The following GTF2E2 variants were observed in gnomAD, a reference collection of about 807,000 sequenced individuals.
GTF2E2 encodes the protein general transcription factor IIE subunit 2.
Under a neutral mutation model 40.5 loss-of-function variants are expected in GTF2E2, and 21 were observed. That is an observed-to-expected ratio of 0.52 (90% confidence interval 0.37 to 0.75). The LOEUF is 0.75. Among genes scored for constraint, GTF2E2 ranks in the 30% least tolerant of loss-of-function variants. The pLI, the probability that GTF2E2 is intolerant of heterozygous loss-of-function variation, is 0.00. For missense variants in GTF2E2, 298 were observed against 338.4 expected, an observed-to-expected ratio of 0.88 and a Z score of 0.94; for synonymous variants, 117 against 121.6, an observed-to-expected ratio of 0.96 and a Z score of 0.25.
intron 3 of GTF2E2, among the ~76,000 whole-genome samples, chr8:30,621,156 T>TC (rs1801088791): frequency 6.6e-6 from 1 of 151,976 alleles, no homozygotes; most frequent in Non-Finnish European, 1.5e-5. Flanking sequence ...AAAGTTTTTT[T>TC]CCCCATTACA....
rs187535266 is a variant in GTF2E2 at position 30,607,427 on chromosome 8, T to C, written c.550-277A>G. On this transcript the variant is annotated intron_variant, in intron 5 of 7. Coordinates refer to ENST00000355904, the MANE Select transcript of GTF2E2 (RefSeq NM_002095.6). ...TGGAGTAACTGGGACCACTGGTGCA[T>C]TGCCACCACGTCTAGCTAATGTTTT... 4.9e-3 allele frequency among the ~76,000 whole-genome samples: 745 copies of C among 152,158 alleles called. 3 individuals are homozygous for C. The highest frequency in any genetic ancestry group is 0.017 in the African/African-American group (704 of 41,512).
intron 6 of GTF2E2, among the ~76,000 whole-genome samples, chr8:30,586,038 T>C (rs538091531): frequency 6.6e-6 from 1 of 152,294 alleles, no homozygotes; most frequent in African/African-American, 2.4e-5. Flanking sequence ...ATTGTGCCAC[T>C]GCACTCCAGC....
At chr8:30,653,315 T>G in intron 2 of GTF2E2, 118 bp downstream of exon 2, 1 of 715,258 alleles carries the variant, frequency 1.4e-6, no homozygotes, top group African/African-American at 1.8e-5. Flanking sequence ...ATCCTTTATA[T>G]TCAACAAAGT....
Position 30,653,450 on chromosome 8 carries a change from C to G in GTF2E2, c.149G>C (p.Gly50Ala). 6.2e-7 allele frequency: 1 copy of G among 1,613,240 alleles called. No homozygotes were observed. Among genetic ancestry groups the G allele is most frequent in the Non-Finnish European group, 8.5e-7 (1 of 1,179,580 alleles). ...KTKVEHGGSSGSKQNSDHSNG... is the reference protein window; with the variant it reads ...KTKVEHGGSSASKQNSDHSNG... ...TTACTAACCAGAATTTTGTTTAGAG[C>G]CTGACGATCCTCCATGTTCTACCTT... Residue 50 changes from glycine to alanine, a missense_variant, in exon 2 of 8, where the codon GGC becomes GCC. Transcript: ENST00000355904.
chr8:30,618,291 CG>C (rs1253734700), intron 3 of GTF2E2, among the ~76,000 whole-genome samples: 2 of 20,686 alleles, frequency 9.7e-5, no homozygotes, highest in Non-Finnish European at 2.2e-4. Flanking sequence ...TCTCGGGGGG[CG>C]GGGGGGAGTT....
At chr8:30,581,845 A>G (rs1486240878) in intron 6 of GTF2E2, among the ~76,000 whole-genome samples, 1 of 152,044 alleles carries the variant, frequency 6.6e-6, no homozygotes, top group African/African-American at 2.4e-5. Context: ...GACAGTCGGC[A>G]CTGTACCTAG....
chr8:30,584,126 T>C (rs1156413263), intron 6 of GTF2E2, among the ~76,000 whole-genome samples: 3 of 151,870 alleles, frequency 2.0e-5, no homozygotes, highest in Non-Finnish European at 4.4e-5. Context: ...ATTTATTTTG[T>C]GGTTCAAACA....
At chr8:30,580,122 C>G (rs62505275) in intron 7 of GTF2E2, among the ~76,000 whole-genome samples, 159 bp downstream of exon 7, 1 of 151,986 alleles carries the variant, frequency 6.6e-6, no homozygotes, top group Non-Finnish European at 1.5e-5. Context: ...GCACCGAGGG[C>G]GGGTCTGCAG....
chr8:30,635,118 T>A lies in GTF2E2; in HGVS notation c.172A>T (p.Ser58Cys), dbSNP rs766622922. Reference protein sequence around the residue: ...SSGSKQNSDHSNGSFNLKALS... With the variant: ...SSGSKQNSDHCNGSFNLKALS... ...GCTTTCAAGTTAAATGATCCATTGC[T>A]ATGATCTGCAAATGAAGTTCAAAAT... Residue 58 changes from serine to cysteine, a missense_variant, in exon 3 of 8, where the codon AGC becomes TGC. Coordinates refer to ENST00000355904, the MANE Select transcript of GTF2E2 (RefSeq NM_002095.6). The A allele has an allele frequency of 6.3e-6, 10 of 1,576,794 alleles. No homozygotes were observed. The South Asian group carries it at 1.1e-4, about 18-fold the overall frequency.
chr8:30,613,315 A>G (rs1800797927), intron 4 of GTF2E2, among the ~76,000 whole-genome samples: 1 of 152,240 alleles, frequency 6.6e-6, no homozygotes, highest in Non-Finnish European at 1.5e-5. Flanking sequence ...TAGTGCATAC[A>G]AGAACTTTAC....
intron 2 of GTF2E2, chr8:30,637,088 T>C (rs1457546120): frequency 1.3e-5 from 5 of 397,564 alleles, no homozygotes; most frequent in South Asian, 9.5e-5. Context: ...AAATTGAGGG[T>C]AGTAAGCAGC....
chr8:30,607,189 C>T (rs191571052), intron 5 of GTF2E2, 39 bp from the exon 6 acceptor site: 3 of 729,738 alleles, frequency 4.1e-6, no homozygotes, highest in East Asian at 5.5e-5. Context: ...CAGTTAACTC[C>T]AAATTACCTC....
intron 1 of GTF2E2, among the ~76,000 whole-genome samples, chr8:30,654,601 T>C (rs1802397676): frequency 6.6e-6 from 1 of 151,892 alleles, no homozygotes; most frequent in Non-Finnish European, 1.5e-5. Flanking sequence ...GACAAGGTCT[T>C]GCTATGTTGC....
intron 3 of GTF2E2, among the ~76,000 whole-genome samples, chr8:30,619,446 T>C (rs897689237): frequency 4.0e-5 from 6 of 151,318 alleles, no homozygotes; most frequent in Admixed American, 2.6e-4. Flanking sequence ...TGGAGTGCAA[T>C]GGCATGATCT....
chr8:30,647,103 C>A (rs1476661638), intron 2 of GTF2E2, among the ~76,000 whole-genome samples: 1 of 147,210 alleles, frequency 6.8e-6, no homozygotes, highest in Non-Finnish European at 1.5e-5. Flanking sequence ...TATAAATATA[C>A]ACATGAGTAA....
intron 7 of GTF2E2, among the ~76,000 whole-genome samples, chr8:30,579,985 C>A (rs767266610): frequency 6.6e-6 from 1 of 152,164 alleles, no homozygotes; most frequent in Non-Finnish European, 1.5e-5. Flanking sequence ...GGGAGAAGGG[C>A]TTGTAGCAGC....
chr8:30,618,767 G>A (rs1184862100), intron 3 of GTF2E2, among the ~76,000 whole-genome samples: 1 of 152,080 alleles, frequency 6.6e-6, no homozygotes, highest in African/African-American at 2.4e-5. Context: ...AGTAAAGCTG[G>A]CATTTAATGA....
At chr8:30,598,568 C>A (rs1031340811) in intron 6 of GTF2E2, among the ~76,000 whole-genome samples, 1 of 152,172 alleles carries the variant, frequency 6.6e-6, no homozygotes. Flanking sequence ...TAATCCCTGC[C>A]TTTCCTTAGC....
intron 6 of GTF2E2, among the ~76,000 whole-genome samples, chr8:30,587,989 TAAAG>T (rs1408049329): frequency 1.3e-5 from 2 of 151,172 alleles, no homozygotes; most frequent in Non-Finnish European, 2.9e-5. Flanking sequence ...GGCAGAGACT[TAAAG>T]GAAAAAGGAG....
Sources: gnomAD v4.1 joint callset for allele counts (sites outside exome capture counted in the v4.1 genomes callset) on GRCh38, gnomAD v4.1.1 for gene constraint, MANE v1.5 for transcripts, NCBI Gene and HGNC (gene_info 2026-07-23, HGNC 2026-07-21) for gene names.